The following MCF2L2 variants were observed in gnomAD, a reference collection of about 807,000 sequenced individuals.
MCF2L2 encodes the protein MCF.2 cell line derived transforming sequence-like 2, also known as probable guanine nucleotide exchange factor MCF2L2.
In MCF2L2, 102 loss-of-function variants were observed where a neutral mutation model predicts 150.2. The observed-to-expected ratio is 0.68, with a 90% CI of 0.58 to 0.80. The LOEUF (loss-of-function observed/expected upper bound fraction) is 0.80. Ranked by LOEUF, MCF2L2 falls within the 30% of genes least tolerant of loss-of-function variation. MCF2L2 has a pLI of 0.00. For synonymous variants in MCF2L2, 465 were observed against 491.3 expected (o/e 0.95, Z 0.71); for missense variants, 1,256 against 1,372.8 (o/e 0.91, Z 1.34).
At chr3:183,233,425 C>T (rs935702088) in intron 15 of MCF2L2, among the ~76,000 whole-genome samples, 32 of 150,874 alleles carry the variant, frequency 2.1e-4, no homozygotes, top group African/African-American at 6.1e-4. Context: ...TATATATATA[C>T]ATATATATGG....
chr3:183,300,261 G>A (rs990167485), intron 10 of MCF2L2, 65 bp from the exon 11 acceptor site: 9 of 1,398,436 alleles, frequency 6.4e-6, no homozygotes, highest in Non-Finnish European at 7.7e-6. Context: ...AGAGCTGCCT[G>A]GTACTGTGTG....
chr3:183,232,961 A>G lies in MCF2L2; in HGVS notation c.1863-1944T>C, dbSNP rs116352840. Among the ~76,000 whole-genome samples the G allele has an allele frequency of 2.2e-3, 330 of 152,322 alleles. 1 individual carries two copies. Among genetic ancestry groups the G allele is most frequent in the African/African-American group, 7.6e-3 (317 of 41,564 alleles). ...AAAACACGTGCTCCTTGGTTCAGTA[A>G]TTTCACTTCTAGGAATGTTCATTGT... is the stretch of plus-strand genomic sequence containing the variant. On this transcript the variant is annotated intron_variant, in intron 15 of 29. Transcript: ENST00000328913.
chr3:183,320,862 C>T (rs1368710065), intron 6 of MCF2L2, among the ~76,000 whole-genome samples: 1 of 152,152 alleles, frequency 6.6e-6, no homozygotes, highest in African/African-American at 2.4e-5. Flanking sequence ...TCGTTTCAAG[C>T]TTTTGATTTA....
chr3:183,257,121 T>C (rs1433900075), intron 15 of MCF2L2, among the ~76,000 whole-genome samples: 2 of 152,210 alleles, frequency 1.3e-5, no homozygotes, highest in Non-Finnish European at 2.9e-5. Flanking sequence ...AAACAGATTC[T>C]AGAGAAAGGA....
chr3:183,229,927 T>C, intron 16 of MCF2L2, 146 bp from the exon 17 acceptor site: 1 of 431,026 alleles, frequency 2.3e-6, no homozygotes, highest in African/African-American at 2.0e-5. Flanking sequence ...TTGAGTACTT[T>C]CTTTTGATAT....
chr3:183,356,526 A>C (rs1711797865), intron 3 of MCF2L2, among the ~76,000 whole-genome samples: 1 of 152,070 alleles, frequency 6.6e-6, no homozygotes, highest in Non-Finnish European at 1.5e-5. Context: ...TAAATAAATA[A>C]ATAAAATAAA....
intron 27 of MCF2L2, among the ~76,000 whole-genome samples, chr3:183,186,851 A>G (rs1721712941): frequency 6.6e-6 from 1 of 152,222 alleles, no homozygotes; most frequent in East Asian, 1.9e-4. Context: ...AGCCACCACA[A>G]CTGACCAAAT....
At position 183,361,102 on chromosome 3, in the gene MCF2L2, C is replaced by CAAGACAAGACAAGAA. The variant is rs1325681167; in HGVS notation, c.275+18194_275+18195insTTCTTGTCTTGTCTT. 5.9e-3 allele frequency among the ~76,000 whole-genome samples: 574 copies of CAAGACAAGACAAGAA among 97,454 alleles called. 52 individuals are homozygous for CAAGACAAGACAAGAA. Among genetic ancestry groups the CAAGACAAGACAAGAA allele is most frequent in the African/African-American group, 0.023 (515 of 22,590 alleles). The allele number at this position is 97,454 out of a possible 152,430, so 63.9% of individuals were successfully genotyped here. Reference sequence around the variant, plus strand: ...GAAGACAAGACAAGACAAGACAAGACAAGAAAAGAAAAAAGAAAAAGAAAA... The same window carrying CAAGACAAGACAAGAA: ...GAAGACAAGACAAGACAAGACAAGACAAGACAAGACAAGAAAAGAAAAGAAAAAAGAAAAAGAAAA... On this transcript the variant is annotated intron_variant, in intron 3 of 29. Coordinates refer to ENST00000328913, the MANE Select transcript of MCF2L2 (RefSeq NM_015078.4).
At chr3:183,225,867 T>C (rs1220684019) in intron 18 of MCF2L2, 3 of 152,354 alleles carry the variant, frequency 2.0e-5, no homozygotes, top group South Asian at 4.1e-4. Flanking sequence ...CTGTACATAT[T>C]GGTACTATTA....
chr3:183,315,728 T>C (rs976754007), intron 7 of MCF2L2, among the ~76,000 whole-genome samples: 4 of 152,172 alleles, frequency 2.6e-5, no homozygotes, highest in African/African-American at 9.7e-5. Context: ...GCAGAACTCT[T>C]TGCCTGTGTA....
At chr3:183,324,036 C>G (rs527633930) in intron 5 of MCF2L2, among the ~76,000 whole-genome samples, 25 of 152,228 alleles carry the variant, frequency 1.6e-4, no homozygotes, top group African/African-American at 5.5e-4. Flanking sequence ...GTGCAATGGC[C>G]TGAAAGTCTA....
rs563874305 is a variant in MCF2L2 at position 183,427,329 on chromosome 3, T to C, written c.76+573A>G. Reference sequence around the variant, plus strand: ...TTCAACTCAGGGAAGAAGATTAAAATTGCTCAGTCTCCTTGGCTTGCAGAG... The same window carrying C: ...TTCAACTCAGGGAAGAAGATTAAAACTGCTCAGTCTCCTTGGCTTGCAGAG... On this transcript the variant is annotated intron_variant, in intron 1 of 29. Coordinates refer to ENST00000328913, the MANE Select transcript of MCF2L2 (RefSeq NM_015078.4). Among the ~76,000 whole-genome samples, 3 of 152,310 alleles carry C rather than the reference T, an allele frequency of 2.0e-5. No individual in the cohort carries two copies. In the South Asian group the frequency reaches 6.2e-4, roughly 32 times the overall value.
At chr3:183,311,090 T>A (rs1729354917) in intron 8 of MCF2L2, 61 bp from the exon 9 acceptor site, 5 of 999,314 alleles carry the variant, frequency 5.0e-6, no homozygotes, top group African/African-American at 4.8e-5. Context: ...GGCATCCATA[T>A]AGGCCTATGG....
chr3:183,284,512 G>C (rs1727682218), intron 14 of MCF2L2, among the ~76,000 whole-genome samples: 1 of 152,016 alleles, frequency 6.6e-6, no homozygotes, highest in Non-Finnish European at 1.5e-5. Flanking sequence ...GACCAGCCTG[G>C]GCAACATGGT....
chr3:183,322,278 T>C (rs1186267409), intron 6 of MCF2L2, among the ~76,000 whole-genome samples: 1 of 152,188 alleles, frequency 6.6e-6, no homozygotes, highest in Non-Finnish European at 1.5e-5. Flanking sequence ...TCACAGACAA[T>C]ACATCACTTA....
Position 183,330,380 on chromosome 3 carries a change from CGTT to C in MCF2L2, c.487-7032_487-7030del, listed in dbSNP as rs1730223493. ...TGGGACCACCACTGTATATGTGGTC[CGTT>C]GTTGACCAAAATGTTGTTATGCAGC... is the stretch of plus-strand genomic sequence containing the variant. On this transcript the variant is annotated intron_variant, in intron 5 of 29. Coordinates refer to ENST00000328913, the MANE Select transcript of MCF2L2 (RefSeq NM_015078.4). Among the ~76,000 whole-genome samples the C allele has an allele frequency of 2.0e-5, 3 of 151,958 alleles. No individual in the cohort carries two copies. The South Asian group carries it at 6.2e-4, about 32-fold the overall frequency.
At chr3:183,229,948 A>C (rs145512725) in intron 16 of MCF2L2, among the ~76,000 whole-genome samples, 167 bp from the exon 17 acceptor site, 163 of 152,300 alleles carry the variant, frequency 1.1e-3, no homozygotes, top group African/African-American at 3.8e-3. Flanking sequence ...CATTTTCCTC[A>C]TGTGCCCACT....
chr3:183,228,254 G>C lies in MCF2L2; in HGVS notation c.2115+43C>G, dbSNP rs772963224. ...CTTGCCACTTAACGCAGAAATGTAA[G>C]GGCTGACTTTAACATGATTATTTAC... On this transcript the variant is annotated intron_variant, in intron 18 of 29. Transcript: ENST00000328913. The C allele has an allele frequency of 4.8e-6, 7 of 1,473,676 alleles. No individual in the cohort carries two copies. In the South Asian group the frequency reaches 8.0e-5, roughly 17 times the overall value. 91.3% of individuals were successfully genotyped at this position (1,473,676 alleles called of 1,614,324 possible).
intron 14 of MCF2L2, among the ~76,000 whole-genome samples, chr3:183,284,116 A>G (rs541533253): frequency 3.3e-5 from 5 of 152,308 alleles, no homozygotes; most frequent in African/African-American, 1.2e-4. Flanking sequence ...CAAATATTTT[A>G]GTGATGTCAT....
Sources: gnomAD v4.1 joint callset for allele counts (sites outside exome capture counted in the v4.1 genomes callset) on GRCh38, gnomAD v4.1.1 for gene constraint, MANE v1.5 for transcripts, NCBI Gene and HGNC (gene_info 2026-07-23, HGNC 2026-07-21) for gene names.